PRRC2C: variants seen among roughly 807,000 people sequenced by gnomAD.
PRRC2C encodes protein PRRC2C.
A neutral mutation model predicts 317.2 loss-of-function variants in PRRC2C; 72 were observed. The ratio of observed to expected loss-of-function variants is 0.23; its 90% CI spans 0.19 to 0.28. The LOEUF is 0.28. PRRC2C is among the 10% of genes least tolerant of loss of function. The probability of loss-of-function intolerance (pLI) is 1.00; values close to 1 mark genes in which losing one functional copy is unlikely to be tolerated. For synonymous variants in PRRC2C, 1,296 were observed against 1,205.9 expected (o/e 1.07, Z -1.55); for missense variants, 3,074 against 3,459.7 (o/e 0.89, Z 2.80).
In PRRC2C at chr1:171,514,540, C is replaced by T. The variant is rs1483965017; in HGVS notation, c.295C>T (p.Pro99Ser). ...GGATTCATATTTTTTTTTAAGAACACCAGAAGTGCCACCAGCACAGCCAAA... is the reference window on the plus strand; with the variant it reads ...GGATTCATATTTTTTTTTAAGAACATCAGAAGTGCCACCAGCACAGCCAAA... ...KQEQHEEEKTPEVPPAQPKPG... is the reference protein window; with the variant it reads ...KQEQHEEEKTSEVPPAQPKPG... Residue 99 changes from proline (P) to serine (S), a missense_variant, in exon 4 of 35, where the codon CCA (proline) becomes TCA (serine). Coordinates refer to ENST00000647382, the MANE Select transcript of PRRC2C (RefSeq NM_001387844.1). 4 of 1,553,158 alleles carry T rather than the reference C, an allele frequency of 2.6e-6. No homozygotes were observed. The highest frequency in any genetic ancestry group is 3.5e-6 in the Non-Finnish European group (4 of 1,148,210).
intron 12 of PRRC2C, among the ~76,000 whole-genome samples, chr1:171,533,813 G>T (rs538800487): frequency 1.8e-4 from 27 of 152,082 alleles, no homozygotes; most frequent in Non-Finnish European, 3.4e-4. Flanking sequence ...TAGTAGAGAC[G>T]GGGTTTCACT....
At chr1:171,538,323 T>A (rs1435064140) in intron 15 of PRRC2C, among the ~76,000 whole-genome samples, 1 of 152,198 alleles carries the variant, frequency 6.6e-6, no homozygotes, top group Non-Finnish European at 1.5e-5. Context: ...TTTAGGTGTA[T>A]CTACAATGCT....
At position 171,579,452 on chromosome 1, in the gene PRRC2C, C is replaced by T; in HGVS notation, c.7258C>T (p.Pro2420Ser). 1.2e-6 allele frequency: 2 copies of T among 1,613,584 alleles called. No homozygotes were observed. Among genetic ancestry groups the T allele is most frequent in the Middle Eastern group, 1.6e-4 (1 of 6,062 alleles). ...PSLAQQQGFQPGLSQPTSVQQ... is the reference protein window; with the variant it reads ...PSLAQQQGFQSGLSQPTSVQQ... ...CTTGGCTCAACAACAGGGTTTCCAA[C>T]CAGGTCTCTCTCAGGTAATATCAAA... Residue 2420 changes from proline (P) to serine (S), a missense_variant, in exon 27 of 35, where the codon CCA becomes TCA. This residue lies in a region of PRRC2C where 490 missense variants were observed against 663.1 expected (regional missense o/e 0.74). Coordinates refer to ENST00000647382, the MANE Select transcript of PRRC2C (RefSeq NM_001387844.1).
At chr1:171,528,094 T>C (rs1674999238) in intron 11 of PRRC2C, among the ~76,000 whole-genome samples, 2 of 152,130 alleles carry the variant, frequency 1.3e-5, no homozygotes, top group Non-Finnish European at 2.9e-5. Context: ...GCCCGTATAC[T>C]TTTTCTTCCT....
intron 15 of PRRC2C, among the ~76,000 whole-genome samples, chr1:171,539,107 T>G (rs1677424516): frequency 6.6e-6 from 1 of 152,116 alleles, no homozygotes; most frequent in African/African-American, 2.4e-5. Flanking sequence ...GTTCAAGCGA[T>G]TCTCCTGCCT....
Position 171,566,554 on chromosome 1 carries a change from A to G in PRRC2C, c.6307-38A>G, listed in dbSNP as rs146823811. 635 of 1,517,844 alleles carry G rather than the reference A, an allele frequency of 4.2e-4. 1 individual carries two copies. The African/African-American group carries it at 8.0e-3, about 19-fold the overall frequency. 94.0% of individuals were successfully genotyped at this position (1,517,844 alleles called of 1,614,324 possible). A position where few individuals can be genotyped will look rare whatever the true frequency, so the allele number is the denominator to read the frequency against. The stretch of plus-strand genomic sequence containing the variant: ...GTGCAATGATGAAAGATACTCATCT[A>G]TCATAAACATAGTTTTATCATAAAC... On this transcript the variant is annotated intron_variant, in intron 21 of 34. Transcript: ENST00000647382.
rs773397820 is a variant in PRRC2C at position 171,517,680 on chromosome 1, A to C, written c.616A>C (p.Thr206Pro). ...DEKLPGQDES[T>P]AGTSEQNDIL... ...AAAGCTCCCTGGCCAGGATGAAAGCACAGCTGGAACATCAGAGCAAAATGA... is the reference window on the plus strand; with the variant it reads ...AAAGCTCCCTGGCCAGGATGAAAGCCCAGCTGGAACATCAGAGCAAAATGA... The change falls in exon 6 of 35, where the codon ACA (threonine) becomes CCA (proline). Residue 206 changes from threonine to proline, a missense_variant. Around this residue, in one of 11 missense-constraint regions of PRRC2C, gnomAD observed 237 missense variants for 199.5 expected, o/e 1.19. Transcript: ENST00000647382. 1.1e-5 allele frequency: 18 copies of C among 1,613,528 alleles called. No individual in the cohort carries two copies. The highest frequency in any genetic ancestry group is 1.5e-5 in the Non-Finnish European group (18 of 1,179,846).
intron 12 of PRRC2C, among the ~76,000 whole-genome samples, chr1:171,534,785 G>A (rs1199071101): frequency 6.6e-6 from 1 of 152,032 alleles, no homozygotes; most frequent in Non-Finnish European, 1.5e-5. Context: ...TGTTATTTGT[G>A]ATTCTTAACA....
At chr1:171,582,865 A>AC (rs913604406) in intron 28 of PRRC2C, among the ~76,000 whole-genome samples, 1 of 151,714 alleles carries the variant, frequency 6.6e-6, no homozygotes, top group Non-Finnish European at 1.5e-5. Flanking sequence ...GTTAAAAAAA[A>AC]AAAAACAAAT....
At chr1:171,507,800 CTTTCTA>C (rs922785974) in intron 1 of PRRC2C, among the ~76,000 whole-genome samples, 4 of 152,068 alleles carry the variant, frequency 2.6e-5, no homozygotes, top group African/African-American at 7.2e-5. Flanking sequence ...TGTGGGCTAT[CTTTCTA>C]TTTATTTCGA....
chr1:171,524,711 A>G (rs1674241503), intron 9 of PRRC2C, 110 bp from the exon 10 acceptor site: 1 of 1,153,736 alleles, frequency 8.7e-7, no homozygotes, highest in Admixed American at 3.1e-5. Flanking sequence ...TCCTTAATAC[A>G]TTTCCCCCCC....
At position 171,542,022 on chromosome 1, in the gene PRRC2C, C is replaced by G. The variant is rs367775523; in HGVS notation, c.4556C>G (p.Ala1519Gly). 8.1e-6 allele frequency: 13 copies of G among 1,613,522 alleles called. No individual in the cohort carries two copies. The highest frequency in any genetic ancestry group is 1.1e-5 in the Non-Finnish European group (13 of 1,179,828). ...CGAGAGAGGGATGAAAAAAAAAATG[C>G]TGACTTGAATGCACAAACAGTTGTA... ...ERRERDEKKN[A>G]DLNAQTVVKV... is the part of the protein sequence containing the mutation. The change falls in exon 16 of 35, where the codon GCT becomes GGT. Residue 1519 changes from alanine to glycine, a missense_variant. By Grantham distance (60) the Ala-to-Gly change is moderately conservative (BLOSUM62 0). Coordinates refer to ENST00000647382, the MANE Select transcript of PRRC2C (RefSeq NM_001387844.1).
intron 4 of PRRC2C, among the ~76,000 whole-genome samples, chr1:171,514,957 T>C (rs545483831): frequency 6.6e-6 from 1 of 152,230 alleles, no homozygotes; most frequent in Non-Finnish European, 1.5e-5. Flanking sequence ...ATCGCATAGA[T>C]TGTTAGAAAC....
At chr1:171,500,978 A>T (rs1669003403) in intron 1 of PRRC2C, among the ~76,000 whole-genome samples, 1 of 152,196 alleles carries the variant, frequency 6.6e-6, no homozygotes, top group Non-Finnish European at 1.5e-5. Context: ...GGCTCACTGC[A>T]GCCTCGACTT....
chr1:171,589,124 C>T (rs986177282), intron 33 of PRRC2C, among the ~76,000 whole-genome samples: 9 of 152,134 alleles, frequency 5.9e-5, no homozygotes, highest in African/African-American at 2.2e-4. Flanking sequence ...GAATTTACAA[C>T]TGAGATGCTA....
intron 30 of PRRC2C, 72 bp downstream of exon 30, chr1:171,584,598 A>G: frequency 6.8e-7 from 1 of 1,465,330 alleles, no homozygotes; most frequent in Non-Finnish European, 9.1e-7. Flanking sequence ...ATTGTTTGGG[A>G]ATTTAAATTG....
At chr1:171,571,149 T>C (rs1286892231) in intron 23 of PRRC2C, among the ~76,000 whole-genome samples, 171 bp from the exon 24 acceptor site, 1 of 152,206 alleles carries the variant, frequency 6.6e-6, no homozygotes, top group African/African-American at 2.4e-5. Flanking sequence ...ATCTGAGGTA[T>C]CCTTAATTAC....
At chr1:171,583,587 T>C (rs1289129565) in intron 28 of PRRC2C, among the ~76,000 whole-genome samples, 2 of 152,214 alleles carry the variant, frequency 1.3e-5, no homozygotes, top group African/African-American at 4.8e-5. Flanking sequence ...AAATGTATAG[T>C]AAATACATAA....
At chr1:171,527,662 A>G in intron 10 of PRRC2C, 129 bp from the exon 11 acceptor site, 3 of 674,298 alleles carry the variant, frequency 4.4e-6, no homozygotes, top group Non-Finnish European at 7.5e-6. Context: ...AGGCTGAGGC[A>G]TGAGAATTGC....
Sources: allele counts gnomAD v4.1 joint callset (sites outside exome capture counted in the v4.1 genomes callset), GRCh38; gene constraint gnomAD v4.1.1; regional missense constraint gnomAD v4.1.1; transcripts MANE v1.5; gene names NCBI Gene and HGNC (gene_info 2026-07-23, HGNC 2026-07-21).